The following IKZF1 variants were observed in gnomAD, a reference collection of about 807,000 sequenced individuals.
IKZF1 encodes the protein IKAROS family zinc finger 1, also known as DNA-binding protein Ikaros.
In IKZF1, 10 loss-of-function variants were observed where a neutral mutation model predicts 51.7. The observed-to-expected ratio is 0.19, with a 90% confidence interval of 0.12 to 0.33. The LOEUF is 0.33. IKZF1 is among the 10% of genes least tolerant of loss of function. The probability of loss-of-function intolerance (pLI) is 1.00; values close to 1 mark genes in which losing one functional copy is unlikely to be tolerated. For missense variants in IKZF1, 484 were observed against 707.5 expected (o/e 0.68, Z 3.58); for synonymous variants, 280 against 282.3 (o/e 0.99, Z 0.08).
chr7:50,327,853 T>C (rs963468606), intron 3 of IKZF1, 96 bp downstream of exon 3: 6 of 1,330,012 alleles, frequency 4.5e-6, no homozygotes, highest in Non-Finnish European at 6.1e-6. Context: ...ATTTTATCCA[T>C]TGTGTTCCCT....
chr7:50,318,755 G>T (rs980757477), intron 1 of IKZF1, among the ~76,000 whole-genome samples: 1 of 152,112 alleles, frequency 6.6e-6, no homozygotes, highest in Non-Finnish European at 1.5e-5. Flanking sequence ...GCTTAATTTT[G>T]TTGCAGTCAG....
At chr7:50,392,436 T>C (rs1815395630) in intron 7 of IKZF1, among the ~76,000 whole-genome samples, 2 of 151,742 alleles carry the variant, frequency 1.3e-5, no homozygotes, top group Admixed American at 1.3e-4. Context: ...TCTAGGAGCA[T>C]TGCCCAGAGT....
At chr7:50,349,516 C>A (rs1184712106) in intron 3 of IKZF1, among the ~76,000 whole-genome samples, 2 of 152,098 alleles carry the variant, frequency 1.3e-5, no homozygotes, top group Non-Finnish European at 2.9e-5. Context: ...AAAACGTGGA[C>A]CAAGGAAGAG....
intron 3 of IKZF1, among the ~76,000 whole-genome samples, chr7:50,358,094 G>C (rs1416509599): frequency 6.6e-6 from 1 of 152,136 alleles, no homozygotes; most frequent in Non-Finnish European, 1.5e-5. Context: ...CATGTTACAC[G>C]CTCTTAGTTG....
chr7:50,336,685 C>T (rs1368724819), intron 3 of IKZF1, among the ~76,000 whole-genome samples: 3 of 152,188 alleles, frequency 2.0e-5, no homozygotes, highest in Non-Finnish European at 2.9e-5. Context: ...CGGTTCCATC[C>T]GTTGGCTGCA....
chr7:50,347,915 T>C (rs1800786519), intron 3 of IKZF1, among the ~76,000 whole-genome samples: 1 of 152,156 alleles, frequency 6.6e-6, no homozygotes, highest in African/African-American at 2.4e-5. Flanking sequence ...CGTGTTTGCA[T>C]TGAACCAAGC....
At chr7:50,325,609 TAAA>T (rs1053689864) in intron 2 of IKZF1, among the ~76,000 whole-genome samples, 1 of 152,056 alleles carries the variant, frequency 6.6e-6, no homozygotes, top group South Asian at 2.1e-4. Context: ...CTGTCTCTAC[TAAA>T]AAAATACAAA....
rs1249028636 is a variant in IKZF1 at position 50,401,537 on chromosome 7, A to G, written c.*910A>G. On this transcript the variant is annotated 3_prime_UTR_variant, in exon 8 of 8. Coordinates refer to ENST00000331340, the MANE Select transcript of IKZF1 (RefSeq NM_006060.6). ...GATCTTCTTTCTTTTTGAATCTCTC[A>G]AACGGCAACATTCCTCAGAAACCAA... 1 of 223,262 alleles carries G rather than the reference A, an allele frequency of 4.5e-6. No homozygotes were observed. The highest frequency in any genetic ancestry group is 9.0e-6 in the Non-Finnish European group (1 of 111,608). 13.8% of individuals were successfully genotyped at this position (223,262 alleles called of 1,614,324 possible).
At chr7:50,396,287 G>A (rs1041493091) in intron 7 of IKZF1, among the ~76,000 whole-genome samples, 1 of 151,944 alleles carries the variant, frequency 6.6e-6, no homozygotes, top group African/African-American at 2.4e-5. Flanking sequence ...CTGTTCTCTT[G>A]TGGTTTTCCT....
At chr7:50,375,192 C>T (rs1488293560) in intron 3 of IKZF1, among the ~76,000 whole-genome samples, 4 of 152,152 alleles carry the variant, frequency 2.6e-5, no homozygotes, top group African/African-American at 9.7e-5. Flanking sequence ...GAGGCCAAGT[C>T]AGGTGGATCA....
chr7:50,355,692 T>G (rs1249781472), intron 3 of IKZF1, among the ~76,000 whole-genome samples: 4 of 152,224 alleles, frequency 2.6e-5, no homozygotes, highest in African/African-American at 9.6e-5. Context: ...AGTCAAATTT[T>G]AATTCCAACA....
Position 50,403,906 on chromosome 7 carries a change from A to C in IKZF1, c.*3279A>C, listed in dbSNP as rs1322857150. 1 of 218,072 alleles carries C rather than the reference A, an allele frequency of 4.6e-6. No homozygotes were observed. The highest frequency in any genetic ancestry group is 6.8e-5 in the East Asian group (1 of 14,766). The allele number at this position is 218,072 out of a possible 1,614,324, so 13.5% of individuals were successfully genotyped here. A position where few individuals can be genotyped will look rare whatever the true frequency, so the allele number is the denominator to read the frequency against. On this transcript the variant is annotated 3_prime_UTR_variant, in exon 8 of 8. Coordinates refer to ENST00000331340, the MANE Select transcript of IKZF1 (RefSeq NM_006060.6). The stretch of plus-strand genomic sequence containing the variant: ...AACGCGAGATGAACTGGACTTATGT[A>C]GACAAATCGTGATGCCAGTGTATCC...
chr7:50,344,590 T>G (rs562918673), intron 3 of IKZF1, among the ~76,000 whole-genome samples: 1 of 152,396 alleles, frequency 6.6e-6, no homozygotes, highest in African/African-American at 2.4e-5. Context: ...AGTACAATCA[T>G]GTATAAGCTG....
chr7:50,329,429 A>T lies in IKZF1; in HGVS notation c.160+1672A>T, dbSNP rs1584521193. Among the ~76,000 whole-genome samples, 9 of 152,320 alleles carry T rather than the reference A, an allele frequency of 5.9e-5. No homozygotes were observed. The South Asian group carries it at 1.9e-3, about 32-fold the overall frequency. ...AAAGGATCATGTTTCATTTTAATTT[A>T]TGTATTTATTTTTGAGATTGTCTTC... On this transcript the variant is annotated intron_variant, in intron 3 of 7. Transcript: ENST00000331340.
chr7:50,337,361 G>GCTGGGC (rs1473810071), intron 3 of IKZF1, among the ~76,000 whole-genome samples: 1 of 152,146 alleles, frequency 6.6e-6, no homozygotes, highest in Admixed American at 6.5e-5. Context: ...TCACCTATGA[G>GCTGGGC]CTGGGCCTGG....
intron 3 of IKZF1, among the ~76,000 whole-genome samples, chr7:50,335,469 T>G (rs1797487044): frequency 7.0e-6 from 1 of 141,874 alleles, no homozygotes; most frequent in Non-Finnish European, 1.5e-5. Context: ...TATGTGTGTA[T>G]GGGATGTGTA....
chr7:50,327,810 T>G, intron 3 of IKZF1, 53 bp downstream of exon 3: 1 of 1,520,400 alleles, frequency 6.6e-7, no homozygotes, highest in Non-Finnish European at 8.9e-7. Context: ...TCTCTTTGTA[T>G]TTTTCCAAGA....
intron 3 of IKZF1, among the ~76,000 whole-genome samples, chr7:50,360,053 C>G (rs915385285): frequency 6.6e-6 from 1 of 152,120 alleles, no homozygotes; most frequent in East Asian, 1.9e-4. Flanking sequence ...CCGAGAGCGG[C>G]GGGATTAAGA....
At chr7:50,308,597 C>T (rs950533342) in intron 1 of IKZF1, 1 of 152,216 alleles carries the variant, frequency 6.6e-6, no homozygotes, top group Non-Finnish European at 1.5e-5. Flanking sequence ...AATTTCTGAA[C>T]TCGTTTTGGT....
Sources: allele counts gnomAD v4.1 joint callset (sites outside exome capture counted in the v4.1 genomes callset), GRCh38; gene constraint gnomAD v4.1.1; transcripts MANE v1.5; gene names NCBI Gene and HGNC (gene_info 2026-07-23, HGNC 2026-07-21).